The following KCNQ3 variants were observed in gnomAD, a reference collection of about 807,000 sequenced individuals.
The protein encoded by KCNQ3 is potassium voltage-gated channel subfamily Q member 3, also known as potassium voltage-gated channel subfamily KQT member 3.
Under a neutral mutation model 92.5 loss-of-function variants are expected in KCNQ3, and 30 were observed. The ratio of observed to expected loss-of-function variants is 0.32; its 90% CI spans 0.24 to 0.44. The LOEUF (loss-of-function observed/expected upper bound fraction) is 0.44. KCNQ3 is among the 20% of genes least tolerant of loss of function. The pLI is 1.00. For synonymous variants in KCNQ3, 450 were observed against 468.8 expected (o/e 0.96, Z 0.52); for missense variants, 913 against 1,140.3 (o/e 0.80, Z 2.87).
intron 1 of KCNQ3, among the ~76,000 whole-genome samples, chr8:132,376,766 T>C (rs1819620422): frequency 2.0e-5 from 3 of 152,224 alleles, no homozygotes; most frequent in Admixed American, 2.0e-4. Context: ...AGAGCAGGAA[T>C]TGTTCTCTTC....
chr8:132,386,338 A>G (rs1166157055), intron 1 of KCNQ3, among the ~76,000 whole-genome samples: 1 of 152,154 alleles, frequency 6.6e-6, no homozygotes, highest in Non-Finnish European at 1.5e-5. Context: ...ATAAATTAAG[A>G]GTAAAATTGA....
intron 1 of KCNQ3, among the ~76,000 whole-genome samples, chr8:132,407,236 A>C (rs1820509025): frequency 6.6e-6 from 1 of 152,214 alleles, no homozygotes; most frequent in Non-Finnish European, 1.5e-5. Flanking sequence ...CGGAGACAGC[A>C]CAGCCACCTG....
chr8:132,158,920 T>A (rs1825892727), intron 9 of KCNQ3, among the ~76,000 whole-genome samples: 1 of 152,128 alleles, frequency 6.6e-6, no homozygotes, highest in Non-Finnish European at 1.5e-5. Flanking sequence ...GGGACAGATT[T>A]TTTTCCCTCT....
At chr8:132,192,270 T>C (rs892239429) in intron 1 of KCNQ3, among the ~76,000 whole-genome samples, 2 of 152,196 alleles carry the variant, frequency 1.3e-5, no homozygotes, top group African/African-American at 4.8e-5. Context: ...ACCCACTTTC[T>C]AAGACAGGAG....
intron 1 of KCNQ3, among the ~76,000 whole-genome samples, chr8:132,306,666 A>C (rs1050410069): frequency 6.6e-6 from 1 of 152,244 alleles, no homozygotes; most frequent in African/African-American, 2.4e-5. Flanking sequence ...AGAGTCAGTA[A>C]GAGTTGGAAG....
chr8:132,288,342 C>A (rs1816737440), intron 1 of KCNQ3, among the ~76,000 whole-genome samples: 1 of 152,190 alleles, frequency 6.6e-6, no homozygotes, highest in Admixed American at 6.5e-5. Flanking sequence ...TTGTATGGTA[C>A]AGGACACTAT....
At chr8:132,328,061 A>T (rs1818111802) in intron 1 of KCNQ3, among the ~76,000 whole-genome samples, 2 of 152,296 alleles carry the variant, frequency 1.3e-5, no homozygotes, top group Admixed American at 6.5e-5. Flanking sequence ...TGCTCTCTGC[A>T]GTCACACAGG....
At chr8:132,405,512 C>T (rs1411600508) in intron 1 of KCNQ3, among the ~76,000 whole-genome samples, 2 of 152,176 alleles carry the variant, frequency 1.3e-5, no homozygotes, top group Non-Finnish European at 2.9e-5. Context: ...AACTTCAAGA[C>T]TGGGTTGACG....
intron 1 of KCNQ3, among the ~76,000 whole-genome samples, chr8:132,367,476 C>T (rs1432395640): frequency 1.3e-5 from 2 of 152,212 alleles, no homozygotes; most frequent in Admixed American, 6.5e-5. Context: ...GCGGGCTTTG[C>T]TTTCAAGATC....
intron 1 of KCNQ3, among the ~76,000 whole-genome samples, chr8:132,427,755 G>C (rs1821147263): frequency 6.6e-6 from 1 of 152,150 alleles, no homozygotes. Context: ...AGGAAGACCG[G>C]GGGTAAAGCC....
chr8:132,281,105 A>C (rs1455133352), intron 1 of KCNQ3, among the ~76,000 whole-genome samples: 1 of 152,112 alleles, frequency 6.6e-6, no homozygotes. Flanking sequence ...GGCAGATGTG[A>C]CTTCATTTAA....
At chr8:132,245,452 C>T (rs1341344417) in intron 1 of KCNQ3, among the ~76,000 whole-genome samples, 1 of 152,146 alleles carries the variant, frequency 6.6e-6, no homozygotes. Context: ...TGAAGCCTAT[C>T]CATGCATCTA....
At chr8:132,412,281 C>T (rs2130798766) in intron 1 of KCNQ3, among the ~76,000 whole-genome samples, 1 of 152,198 alleles carries the variant, frequency 6.6e-6, no homozygotes, top group East Asian at 1.9e-4. Context: ...ACCCGCCGGC[C>T]CCAATAAATT....
intron 2 of KCNQ3, among the ~76,000 whole-genome samples, 192 bp downstream of exon 2, chr8:132,185,899 C>T (rs1468200042): frequency 6.6e-6 from 1 of 152,196 alleles, no homozygotes; most frequent in Non-Finnish European, 1.5e-5. Flanking sequence ...ACCAGGAATG[C>T]CATTCTTCAC....
intron 1 of KCNQ3, among the ~76,000 whole-genome samples, chr8:132,379,137 C>T (rs184383113): frequency 3.9e-5 from 6 of 152,196 alleles, no homozygotes; most frequent in African/African-American, 7.2e-5. Context: ...TATTTATAAC[C>T]GGGTTTATGT....
At chr8:132,289,275 C>G (rs891782147) in intron 1 of KCNQ3, among the ~76,000 whole-genome samples, 1 of 152,184 alleles carries the variant, frequency 6.6e-6, no homozygotes, top group African/African-American at 2.4e-5. Flanking sequence ...ATGGTTAGCA[C>G]TTCTCATACA....
intron 1 of KCNQ3, among the ~76,000 whole-genome samples, chr8:132,312,479 T>TG (rs1377644620): frequency 6.6e-6 from 1 of 151,594 alleles, no homozygotes; most frequent in African/African-American, 2.4e-5. Context: ...AGAAACAATA[T>TG]GGGGGGCTTC....
At position 132,129,770 on chromosome 8, in the gene KCNQ3, A is replaced by G. The variant is rs202072205; in HGVS notation, c.2111T>C (p.Ile704Thr). ...EPPYSFHQVT[I>T]DKVSPYGFFA... Reference sequence around the variant, plus strand: ...AAACCCATAGGGGCTGACTTTGTCAATGGTCACCTGGTGGAAGCTGTAGGG... The same window carrying G: ...AAACCCATAGGGGCTGACTTTGTCAGTGGTCACCTGGTGGAAGCTGTAGGG... Residue 704 changes from isoleucine (I) to threonine (T), a missense_variant, in exon 15 of 15, where the codon ATT (isoleucine) becomes ACT (threonine). Ile to Thr is a moderately conservative substitution (Grantham distance 89). Coordinates refer to ENST00000388996, the MANE Select transcript of KCNQ3 (RefSeq NM_004519.4). The surrounding 1 kb of genome is among the most constrained non-coding windows in gnomAD (Gnocchi z 5.9). 3 of 1,614,198 alleles carry G rather than the reference A, an allele frequency of 1.9e-6. No individual in the cohort carries two copies. The highest frequency in any genetic ancestry group is 2.7e-5 in the African/African-American group (2 of 75,052).
chr8:132,305,889 GTTTGTTTTGT>G (rs60363191), intron 1 of KCNQ3, among the ~76,000 whole-genome samples: 14 of 150,244 alleles, frequency 9.3e-5, no homozygotes, highest in African/African-American at 3.2e-4. Flanking sequence ...GTTTGTTTTT[GTTTGTTTTGT>G]TTTGTTTTGT....
Sources: gnomAD v4.1 joint callset for allele counts (sites outside exome capture counted in the v4.1 genomes callset) on GRCh38, gnomAD v4.1.1 for gene constraint, Gnocchi (gnomAD v3.1) non-coding constraint, MANE v1.5 for transcripts, NCBI Gene and HGNC (gene_info 2026-07-23, HGNC 2026-07-21) for gene names.